TRAPPC9: variants seen among roughly 807,000 people sequenced by gnomAD.
TRAPPC9 encodes the protein trafficking protein particle complex subunit 9.
Under a neutral mutation model 124.0 loss-of-function variants are expected in TRAPPC9, and 83 were observed. The observed-to-expected ratio is 0.67, with a 90% CI of 0.56 to 0.80. The LOEUF is 0.80. TRAPPC9 is among the 30% of genes least tolerant of loss of function. TRAPPC9 has a pLI of 0.00. For missense variants in TRAPPC9, 1,302 were observed against 1,508.3 expected (o/e 0.86, Z 2.27); for synonymous variants, 638 against 617.5 (o/e 1.03, Z -0.49).
intron 17 of TRAPPC9, among the ~76,000 whole-genome samples, chr8:140,153,997 T>C (rs183553261): frequency 1.3e-5 from 2 of 152,274 alleles, no homozygotes; most frequent in Non-Finnish European, 2.9e-5. Flanking sequence ...CACCCAATCA[T>C]TTTCTCAAGA....
At chr8:140,044,135 C>G (rs1263345215) in intron 17 of TRAPPC9, among the ~76,000 whole-genome samples, 1 of 152,128 alleles carries the variant, frequency 6.6e-6, no homozygotes, top group African/African-American at 2.4e-5. Context: ...AAGGCTGACC[C>G]CAGTGCCATC....
chr8:140,068,434 G>A (rs546722364), intron 17 of TRAPPC9, among the ~76,000 whole-genome samples: 12 of 152,258 alleles, frequency 7.9e-5, no homozygotes, highest in African/African-American at 1.7e-4. Context: ...GGGCAAAGAC[G>A]CTTGGGCAGG....
At chr8:140,109,703 G>T (rs1449089805) in intron 17 of TRAPPC9, among the ~76,000 whole-genome samples, 1 of 152,168 alleles carries the variant, frequency 6.6e-6, no homozygotes, top group African/African-American at 2.4e-5. Context: ...GTCAAAAACT[G>T]GGGAATATGG....
At chr8:139,766,147 G>A (rs922342292) in intron 21 of TRAPPC9, among the ~76,000 whole-genome samples, 6 of 152,352 alleles carry the variant, frequency 3.9e-5, no homozygotes, top group Middle Eastern at 6.8e-3. Context: ...ACACTAGGGC[G>A]CAGAGATGGA....
intron 17 of TRAPPC9, among the ~76,000 whole-genome samples, chr8:140,149,892 T>A (rs1563798876): frequency 6.6e-6 from 1 of 152,178 alleles, no homozygotes; most frequent in Non-Finnish European, 1.5e-5. Flanking sequence ...CATACATGCA[T>A]GTACGTATGT....
At chr8:139,731,330 G>T in intron 22 of TRAPPC9, 102 bp from the exon 23 acceptor site, 1 of 1,429,936 alleles carries the variant, frequency 7.0e-7, no homozygotes, top group South Asian at 1.2e-5. Context: ...TGTTATGGGG[G>T]AAGCGAGGGC....
At chr8:140,083,152 C>T (rs1843947693) in intron 17 of TRAPPC9, among the ~76,000 whole-genome samples, 1 of 151,962 alleles carries the variant, frequency 6.6e-6, no homozygotes, top group Non-Finnish European at 1.5e-5. Flanking sequence ...GAGATCGTGC[C>T]ACTGCACTCC....
chr8:139,948,248 A>AACACACACACACAC (rs141771160), intron 19 of TRAPPC9, among the ~76,000 whole-genome samples: 2 of 144,726 alleles, frequency 1.4e-5, no homozygotes, highest in African/African-American at 5.2e-5. Flanking sequence ...TGGTTCATAA[A>AACACACACACACAC]ACACACACAC....
chr8:139,904,673 C>T (rs1831232889), intron 20 of TRAPPC9: 1 of 152,362 alleles, frequency 6.6e-6, no homozygotes, highest in Admixed American at 6.5e-5. Context: ...GTAGGTACTA[C>T]CTGCTTTGCA....
chr8:140,170,752 T>C (rs1162895353), intron 17 of TRAPPC9, among the ~76,000 whole-genome samples: 4 of 152,178 alleles, frequency 2.6e-5, no homozygotes, highest in Non-Finnish European at 4.4e-5. Flanking sequence ...ACTCCTCTTC[T>C]GGTCACAACA....
At chr8:140,352,846 G>A (rs536186884) in intron 9 of TRAPPC9, among the ~76,000 whole-genome samples, 23 of 152,194 alleles carry the variant, frequency 1.5e-4, no homozygotes, top group African/African-American at 5.1e-4. Context: ...TTCTCTCTCC[G>A]AGTCTTCTTA....
chr8:140,144,329 T>C (rs1359215610), intron 17 of TRAPPC9, among the ~76,000 whole-genome samples: 2 of 152,252 alleles, frequency 1.3e-5, no homozygotes, highest in Non-Finnish European at 2.9e-5. Context: ...TATATTTTGC[T>C]ATTTCATCAG....
chr8:140,019,542 C>CTT (rs71320340), intron 18 of TRAPPC9, among the ~76,000 whole-genome samples: 4,422 of 43,890 alleles, frequency 0.1, 1,473 homozygotes, highest in African/African-American at 0.16. Flanking sequence ...TAATTTGTGT[C>CTT]TTTTTTTTTT....
intron 17 of TRAPPC9, among the ~76,000 whole-genome samples, chr8:140,152,638 G>A (rs946546708): frequency 2.0e-5 from 3 of 152,002 alleles, no homozygotes; most frequent in Non-Finnish European, 4.4e-5. Context: ...AAAGTGCTGG[G>A]ATTACAGGCA....
chr8:140,272,356 A>AGTGGTGGTTGTGGT (rs749391419), intron 15 of TRAPPC9, among the ~76,000 whole-genome samples: 21,227 of 104,398 alleles, frequency 0.2, 1,938 homozygotes, highest in Middle Eastern at 0.32. Context: ...CAGTGGAGAG[A>AGTGGTGGTTGTGGT]GTGGTGGTAG....
intron 15 of TRAPPC9, among the ~76,000 whole-genome samples, chr8:140,260,583 T>TA (rs2064380955): frequency 6.6e-6 from 1 of 152,190 alleles, no homozygotes; most frequent in South Asian, 2.1e-4. Context: ...TCCTTTCTAC[T>TA]ACCTGTGCTA....
chr8:140,168,034 C>T (rs183381519), intron 17 of TRAPPC9, among the ~76,000 whole-genome samples: 12 of 152,234 alleles, frequency 7.9e-5, no homozygotes, highest in Non-Finnish European at 1.0e-4. Context: ...GATACATGGA[C>T]GAGACTAAAA....
intron 16 of TRAPPC9, among the ~76,000 whole-genome samples, chr8:140,231,481 CTTTTTTTTTTTTTTTTTTTT>C (rs71320347): frequency 1.8e-5 from 1 of 56,954 alleles, no homozygotes; most frequent in Non-Finnish European, 3.1e-5. Context: ...ACTGCCTTTT[CTTTTTTTTTTTTTTTTTTTT>C]TTTTTTTTTG....
At chr8:140,318,718 A>G (rs1050782927) in intron 9 of TRAPPC9, among the ~76,000 whole-genome samples, 1 of 152,192 alleles carries the variant, frequency 6.6e-6, no homozygotes, top group Non-Finnish European at 1.5e-5. Context: ...TTCCCTTTTT[A>G]CAGGTGTATA....
Sources: allele counts gnomAD v4.1 joint callset (sites outside exome capture counted in the v4.1 genomes callset), GRCh38; gene constraint gnomAD v4.1.1; transcripts MANE v1.5; gene names NCBI Gene and HGNC (gene_info 2026-07-23, HGNC 2026-07-21).